TTLL11: variants seen among roughly 807,000 people sequenced by gnomAD.
The protein encoded by TTLL11 is tubulin polyglutamylase TTLL11.
Under a neutral mutation model 51.7 loss-of-function variants are expected in TTLL11, and 42 were observed. The ratio of observed to expected loss-of-function variants is 0.81; its 90% confidence interval spans 0.64 to 1.05. The LOEUF is 1.05. Among genes scored for constraint, TTLL11 ranks in the 50% least tolerant of loss-of-function variants. The pLI, the probability that TTLL11 is intolerant of heterozygous loss-of-function variation, is 0.00. For missense variants in TTLL11, 799 were observed against 940.4 expected (o/e 0.85, Z 1.97); for synonymous variants, 381 against 383.5 (o/e 0.99, Z 0.08).
intron 6 of TTLL11, among the ~76,000 whole-genome samples, chr9:121,887,809 G>T (rs1156653185): frequency 6.6e-6 from 1 of 152,136 alleles, no homozygotes; most frequent in Admixed American, 6.5e-5. Context: ...GGGGAGGAGT[G>T]GGATGTGAGC....
rs527301384 is a variant in TTLL11 at position 121,962,728 on chromosome 9, T to C, written c.1481+11281A>G. ...CTCTCTCTTGTCTCATGTGAGATCCTGCTTTAAGTCACTCTTCTTTGTACA... is the reference window on the plus strand; with the variant it reads ...CTCTCTCTTGTCTCATGTGAGATCCCGCTTTAAGTCACTCTTCTTTGTACA... On this transcript the variant is annotated intron_variant, in intron 6 of 8. Coordinates refer to ENST00000321582, the MANE Select transcript of TTLL11 (RefSeq NM_001139442.2). 7.2e-5 allele frequency among the ~76,000 whole-genome samples: 11 copies of C among 152,386 alleles called. No individual in the cohort carries two copies. The South Asian group carries it at 2.3e-3, about 32-fold the overall frequency.
chr9:121,826,318 ATATATATATGGGTT>A lies in TTLL11; in HGVS notation c.1841-3453_1841-3440del, dbSNP rs1342796399. Among the ~76,000 whole-genome samples the A allele has an allele frequency of 8.1e-5, 9 of 111,586 alleles. No individual in the cohort carries two copies. In the East Asian group the frequency reaches 1.0e-3, roughly 13 times the overall value. 73.2% of individuals were successfully genotyped at this position (111,586 alleles called of 152,430 possible). A position where few individuals can be genotyped will look rare whatever the true frequency, so the allele number is the denominator to read the frequency against. On this transcript the variant is annotated intron_variant, in intron 8 of 8. Transcript: ENST00000321582. ...GGTGTATATATATATATGGGTTTATATATATATATGGGTTTATATATATGGGTTATATATATGGT... is the reference window on the plus strand; with the variant it reads ...GGTGTATATATATATATGGGTTTATATATATATATGGGTTATATATATGGT...
At chr9:122,007,046 G>A (rs1171548230) in intron 3 of TTLL11, among the ~76,000 whole-genome samples, 1 of 150,944 alleles carries the variant, frequency 6.6e-6, no homozygotes, top group Non-Finnish European at 1.5e-5. Context: ...AGCATTTAGG[G>A]TGGGGTTGTT....
Position 121,816,277 on chromosome 9 carries a change from C to T in TTLL11, c.*6310G>A, listed in dbSNP as rs910198649. On this transcript the variant is annotated 3_prime_UTR_variant, in exon 9 of 9. Transcript: ENST00000321582. ...GCAACAGGTTCTGAAGGGAAAATAT[C>T]CCTGCGGTCTGCGAGGGGCTTGGGG... The T allele has an allele frequency of 3.3e-5, 5 of 152,202 alleles. No homozygotes were observed. The highest frequency in any genetic ancestry group is 1.2e-4 in the African/African-American group (5 of 41,446). The allele number at this position is 152,202 out of a possible 1,614,324, so 9.4% of individuals were successfully genotyped here.
At chr9:121,845,531 G>T (rs970251681) in intron 8 of TTLL11, among the ~76,000 whole-genome samples, 1 of 152,102 alleles carries the variant, frequency 6.6e-6, no homozygotes, top group Non-Finnish European at 1.5e-5. Flanking sequence ...AATTTTAATT[G>T]ATCTAATAGA....
intron 6 of TTLL11, among the ~76,000 whole-genome samples, chr9:121,907,061 A>G (rs2131490807): frequency 6.6e-6 from 1 of 152,304 alleles, no homozygotes; most frequent in South Asian, 2.1e-4. Flanking sequence ...ACTAGAAGCA[A>G]GGAGCCTCCT....
At chr9:122,054,949 TA>T (rs1380133867) in intron 1 of TTLL11, among the ~76,000 whole-genome samples, 2 of 152,174 alleles carry the variant, frequency 1.3e-5, no homozygotes, top group African/African-American at 4.8e-5. Context: ...TTTCCCCAGT[TA>T]TCCAGGAACC....
At chr9:122,018,237 C>T (rs1184174882) in intron 3 of TTLL11, among the ~76,000 whole-genome samples, 1 of 151,602 alleles carries the variant, frequency 6.6e-6, no homozygotes, top group Non-Finnish European at 1.5e-5. Context: ...CTCAGCCTCC[C>T]GAGTAGCTGG....
rs561845313 is a variant in TTLL11, at chr9:121,816,258, G to T, written c.*6329C>A. 1 of 152,360 alleles carries T rather than the reference G, an allele frequency of 6.6e-6. No homozygotes were observed. The highest frequency in any genetic ancestry group is 1.9e-4 in the East Asian group (1 of 5,184). The allele number at this position is 152,360 out of a possible 1,614,324, so 9.4% of individuals were successfully genotyped here. A position where few individuals can be genotyped will look rare whatever the true frequency, so the allele number is the denominator to read the frequency against. ...TCGCTTTCCCCATTCTGATGCAACA[G>T]GTTCTGAAGGGAAAATATCCCTGCG... On this transcript the variant is annotated 3_prime_UTR_variant, in exon 9 of 9. Transcript: ENST00000321582.
chr9:121,948,527 T>C lies in TTLL11; in HGVS notation c.1481+25482A>G, dbSNP rs373717032. Among the ~76,000 whole-genome samples the C allele has an allele frequency of 8.6e-4, 131 of 152,332 alleles. 1 individual carries two copies. Among genetic ancestry groups the C allele is most frequent in the African/African-American group, 3.0e-3 (125 of 41,580 alleles). On this transcript the variant is annotated intron_variant, in intron 6 of 8. Transcript: ENST00000321582. The stretch of plus-strand genomic sequence containing the variant: ...TGATGATGGTGATTACATGCCGCTC[T>C]CCAAGCCCTTCCATACGCCCGGCAC...
intron 1 of TTLL11, among the ~76,000 whole-genome samples, chr9:122,057,591 C>A (rs180992037): frequency 6.6e-6 from 1 of 152,008 alleles, no homozygotes; most frequent in African/African-American, 2.4e-5. Flanking sequence ...CCTCCCAAAT[C>A]GCTGGGATTA....
At position 121,821,052 on chromosome 9, in the gene TTLL11, G is replaced by A. The variant is rs930710574; in HGVS notation, c.*1535C>T. On this transcript the variant is annotated 3_prime_UTR_variant, in exon 9 of 9. Transcript: ENST00000321582. This position sits in a 1 kb window ranked among gnomAD's most constrained non-coding sequence, Gnocchi z 5.0. ...GGCAAGGATGAACAGAGCAGCCCCT[G>A]CTCTGAAATCGCTTGCCAACAATTG... 3.3e-5 allele frequency among the ~76,000 whole-genome samples: 5 copies of A among 152,022 alleles called. No individual in the cohort carries two copies. The highest frequency in any genetic ancestry group is 7.4e-5 in the Non-Finnish European group (5 of 68,008).
chr9:121,837,007 G>A (rs1418042729), intron 8 of TTLL11, among the ~76,000 whole-genome samples: 1 of 152,122 alleles, frequency 6.6e-6, no homozygotes, highest in Non-Finnish European at 1.5e-5. Context: ...ATATAATTTT[G>A]CACACAAATA....
chr9:122,085,914 C>A (rs1255633457), intron 1 of TTLL11, among the ~76,000 whole-genome samples: 1 of 152,178 alleles, frequency 6.6e-6, no homozygotes, highest in African/African-American at 2.4e-5. Flanking sequence ...GATTTCAAAG[C>A]CCATGCCAAC....
intron 6 of TTLL11, among the ~76,000 whole-genome samples, chr9:121,947,793 C>T (rs1481734966): frequency 6.6e-6 from 1 of 152,154 alleles, no homozygotes; most frequent in Non-Finnish European, 1.5e-5. Context: ...GTTACTTACC[C>T]CCCAGGATCT....
intron 6 of TTLL11, among the ~76,000 whole-genome samples, chr9:121,899,378 CATATATATAT>C (rs747040027): frequency 1.0e-4 from 13 of 130,460 alleles, no homozygotes; most frequent in South Asian, 2.4e-4. Flanking sequence ...TATATATATA[CATATATATAT>C]ATATATATAT....
intron 6 of TTLL11, among the ~76,000 whole-genome samples, chr9:121,940,369 G>A (rs952829548): frequency 8.1e-5 from 12 of 148,062 alleles, no homozygotes; most frequent in South Asian, 2.1e-4. Flanking sequence ...ATGGAATCTC[G>A]CTCTGTTGCC....
At chr9:121,839,385 G>A (rs1490321491) in intron 8 of TTLL11, among the ~76,000 whole-genome samples, 1 of 152,178 alleles carries the variant, frequency 6.6e-6, no homozygotes, top group Admixed American at 6.5e-5. Flanking sequence ...ACATGCCTAA[G>A]TTCAAATCCA....
At chr9:121,985,517 T>TC (rs1371228680) in intron 4 of TTLL11, among the ~76,000 whole-genome samples, 2 of 140,858 alleles carry the variant, frequency 1.4e-5, no homozygotes, top group East Asian at 4.0e-4. Context: ...TCTTTTCTTT[T>TC]TTTTTTTTTT....
Sources: allele counts gnomAD v4.1 joint callset (sites outside exome capture counted in the v4.1 genomes callset), GRCh38; gene constraint gnomAD v4.1.1; non-coding constraint Gnocchi (gnomAD v3.1); transcripts MANE v1.5; gene names NCBI Gene and HGNC (gene_info 2026-07-23, HGNC 2026-07-21).